The following AFAP1L2 variants were observed in gnomAD, a reference collection of about 807,000 sequenced individuals.
AFAP1L2 encodes the protein actin filament associated protein 1 like 2.
A neutral mutation model predicts 99.3 loss-of-function variants in AFAP1L2; 46 were observed. The observed-to-expected ratio is 0.46, with a 90% CI of 0.37 to 0.59. The LOEUF (loss-of-function observed/expected upper bound fraction) is 0.59, where lower values mean the gene tolerates loss of function less well. AFAP1L2 is among the 20% of genes least tolerant of loss of function. AFAP1L2 has a pLI of 0.00. For missense variants in AFAP1L2, 959 were observed against 1,034.9 expected (o/e 0.93, Z 1.01); for synonymous variants, 397 against 419.1 (o/e 0.95, Z 0.64).
intron 1 of AFAP1L2, among the ~76,000 whole-genome samples, chr10:114,372,783 A>G (rs901754818): frequency 3.9e-5 from 6 of 152,130 alleles, no homozygotes; most frequent in Non-Finnish European, 8.8e-5. Context: ...CTATCAATAA[A>G]CTGTGCATCC....
rs182701358 is a variant in AFAP1L2 at position 114,348,189 on chromosome 10, A to G, written c.17-7458T>C. ...TGGATATACTACATTCTACTTACCC[A>G]TTCATTGTTGATAAGGCAATGGCTT... On this transcript the variant is annotated intron_variant, in intron 1 of 18. Transcript: ENST00000304129. 1.5e-3 allele frequency among the ~76,000 whole-genome samples: 230 copies of G among 152,288 alleles called. 1 individual carries two copies. Among genetic ancestry groups the G allele is most frequent in the African/African-American group, 4.7e-3 (196 of 41,558 alleles).
Position 114,398,793 on chromosome 10 carries a change from CG to C in AFAP1L2, c.16+5646del, listed in dbSNP as rs1049854063. 2.3e-6 allele frequency: 3 copies of C among 1,293,902 alleles called. No individual in the cohort carries two copies. In the African/African-American group the frequency reaches 4.6e-5, roughly 20 times the overall value. 80.2% of individuals were successfully genotyped at this position (1,293,902 alleles called of 1,614,324 possible). Reference sequence around the variant, plus strand: ...ATGGGCAGAGCCAGGTCTGCACCCTCGGGAGCCCTGGAGGCCAGGTGAGCTG... The same window carrying C: ...ATGGGCAGAGCCAGGTCTGCACCCTCGGAGCCCTGGAGGCCAGGTGAGCTG... On this transcript the variant is annotated intron_variant, in intron 1 of 18. Coordinates refer to ENST00000304129, the MANE Select transcript of AFAP1L2 (RefSeq NM_001001936.3).
intron 2 of AFAP1L2, 26 bp from the exon 3 acceptor site, chr10:114,333,321 T>C (rs2047491917): frequency 6.3e-7 from 1 of 1,592,196 alleles, no homozygotes; most frequent in Non-Finnish European, 8.6e-7. Context: ...GACACAGGCT[T>C]TGTGTGACTT....
Position 114,363,316 on chromosome 10 carries a change from C to T in AFAP1L2, c.17-22585G>A, listed in dbSNP as rs1225233995. ...ATTCACGACACACGCTCTGAGGCAG[C>T]GTTTCACTGGCCCAGAATCAGGCCA... On this transcript the variant is annotated intron_variant, in intron 1 of 18. Transcript: ENST00000304129. 1.6e-5 allele frequency: 6 copies of T among 385,566 alleles called. No homozygotes were observed. In the South Asian group the frequency reaches 3.2e-4, roughly 21 times the overall value. The allele number at this position is 385,566 out of a possible 1,614,324, so 23.9% of individuals were successfully genotyped here.
intron 1 of AFAP1L2, among the ~76,000 whole-genome samples, chr10:114,342,342 T>A (rs1172125855): frequency 6.6e-6 from 1 of 152,222 alleles, no homozygotes; most frequent in Non-Finnish European, 1.5e-5. Context: ...TTGGTCTAGA[T>A]AACATTCCTC....
At chr10:114,281,658 C>T in the AFAP1L2 span, 2 of 847,664 alleles carry the variant, frequency 2.4e-6, no homozygotes, top group Non-Finnish European at 2.8e-6. Flanking sequence ...CTCGTGTGGA[C>T]ACTTGTTGTG....
intron 4 of AFAP1L2, among the ~76,000 whole-genome samples, chr10:114,331,287 CTTATT>C (rs1447098207): frequency 4.6e-5 from 7 of 152,012 alleles, no homozygotes; most frequent in Admixed American, 3.3e-4. Context: ...TATTTATTCA[CTTATT>C]TTATATGTTA....
At chr10:114,282,692 G>A in the AFAP1L2 span, 3 of 806,066 alleles carry the variant, frequency 3.7e-6, no homozygotes, top group Admixed American at 5.9e-5. Context: ...AGGGCAGAGG[G>A]ATGGGGCACT....
rs200436291 is a variant in AFAP1L2, at chr10:114,340,634, C to T, written c.114G>A (p.Ala38=). The change falls in exon 2 of 19, where the codon GCG becomes GCA. Residue 38 remains alanine, a synonymous_variant. Transcript: ENST00000304129. ...TTTTGGTGTAAAGCCGGAGGAGCTCCGCCAGGCAGCTCTTCTTCACCAGTG... is the reference window on the plus strand; with the variant it reads ...TTTTGGTGTAAAGCCGGAGGAGCTCTGCCAGGCAGCTCTTCTTCACCAGTG... The part of the protein sequence containing the change: ...STALVKKSCL[A]ELLRLYTKSS... 72 of 1,614,082 alleles carry T rather than the reference C, an allele frequency of 4.5e-5. No individual in the cohort carries two copies. The highest frequency in any genetic ancestry group is 3.3e-5 in the Admixed American group (2 of 60,002).
Position 114,300,315 on chromosome 10 carries a change from G to C in AFAP1L2, c.1836C>G (p.Thr612=). 1 of 1,614,156 alleles carries C rather than the reference G, an allele frequency of 6.2e-7. No homozygotes were observed. The highest frequency in any genetic ancestry group is 8.5e-7 in the Non-Finnish European group (1 of 1,180,032). The change falls in exon 15 of 19, where the codon ACC becomes ACG. Residue 612 remains threonine (T), a synonymous_variant. Coordinates refer to ENST00000304129, the MANE Select transcript of AFAP1L2 (RefSeq NM_001001936.3). ...TCTGCTGTTCCGTCTGGATTTTGAC[G>C]GTGGTGATTCTCAGGGAAGGATCCT... The part of the protein sequence containing the change: ...EPEDPSLRIT[T]VKIQTEQQRI...
At chr10:114,356,821 A>G (rs2051459247) in intron 1 of AFAP1L2, among the ~76,000 whole-genome samples, 1 of 152,224 alleles carries the variant, frequency 6.6e-6, no homozygotes, top group Non-Finnish European at 1.5e-5. Flanking sequence ...CCATGGGAGC[A>G]GTGAGTAAAG....
At chr10:114,284,854 C>T in the AFAP1L2 span, 1 of 1,603,360 alleles carries the variant, frequency 6.2e-7, no homozygotes, top group East Asian at 2.3e-5. Flanking sequence ...ATGGGCATCT[C>T]TCTGATAGGC....
At chr10:114,405,078 T>C (rs982505943), upstream of AFAP1L2, among the ~76,000 whole-genome samples, 6 of 152,192 alleles carry the variant, frequency 3.9e-5, no homozygotes, top group African/African-American at 7.2e-5. Context: ...TCTTGGAACC[T>C]CTCTGGGCAG....
chr10:114,320,018 T>C (rs1204692346), intron 5 of AFAP1L2, among the ~76,000 whole-genome samples: 2 of 152,024 alleles, frequency 1.3e-5, no homozygotes, highest in Admixed American at 6.6e-5. Flanking sequence ...GAGACAAACA[T>C]GGAAGGAGCC....
intron 1 of AFAP1L2, among the ~76,000 whole-genome samples, chr10:114,400,403 C>G (rs1371646810): frequency 2.0e-5 from 3 of 152,214 alleles, no homozygotes. Flanking sequence ...TCATCCAGGG[C>G]TCCCACGCAA....
chr10:114,354,083 C>T (rs112309888), intron 1 of AFAP1L2, among the ~76,000 whole-genome samples: 37 of 152,166 alleles, frequency 2.4e-4, no homozygotes, highest in African/African-American at 6.8e-4. Context: ...CATCCCGGAA[C>T]CTTCGCGCCT....
upstream of AFAP1L2, chr10:114,404,731 C>T (rs1158374475): frequency 2.0e-5 from 7 of 346,752 alleles, no homozygotes; most frequent in Non-Finnish European, 3.6e-5. Context: ...CGCGGCCCCG[C>T]TCGCCGCCCC....
At chr10:114,402,708 A>G (rs1444623716) in intron 1 of AFAP1L2, among the ~76,000 whole-genome samples, 3 of 152,240 alleles carry the variant, frequency 2.0e-5, no homozygotes, top group African/African-American at 7.2e-5. Flanking sequence ...GTCAAGGGCC[A>G]AGTCAAAAGT....
downstream of AFAP1L2, among the ~76,000 whole-genome samples, chr10:114,290,839 C>T (rs903271614): frequency 8.6e-5 from 13 of 152,012 alleles, no homozygotes; most frequent in East Asian, 2.3e-3. Context: ...TAAGTGAGGA[C>T]GAGGAGGAGG....
Sources: allele counts gnomAD v4.1 joint callset (sites outside exome capture counted in the v4.1 genomes callset), GRCh38; gene constraint gnomAD v4.1.1; transcripts MANE v1.5; gene names NCBI Gene and HGNC (gene_info 2026-07-23, HGNC 2026-07-21).